The following BABAM2 variants were observed in gnomAD, a reference collection of about 807,000 sequenced individuals.
BABAM2 encodes BRISC and BRCA1 A complex member 2.
Under a neutral mutation model 54.7 loss-of-function variants are expected in BABAM2, and 31 were observed. The ratio of observed to expected loss-of-function variants is 0.57; its 90% CI spans 0.43 to 0.77. The LOEUF (loss-of-function observed/expected upper bound fraction) is 0.77. BABAM2 is among the 30% of genes least tolerant of loss of function. BABAM2 has a pLI of 0.00. For synonymous variants in BABAM2, 167 were observed against 162.9 expected, an observed-to-expected ratio of 1.03 and a Z score of -0.19; for missense variants, 364 against 455.8, an observed-to-expected ratio of 0.80 and a Z score of 1.83.
intron 11 of BABAM2, among the ~76,000 whole-genome samples, chr2:28,318,641 C>T (rs1245045390): frequency 6.6e-6 from 1 of 152,178 alleles, no homozygotes; most frequent in Non-Finnish European, 1.5e-5. Flanking sequence ...GATTGTTGAA[C>T]TTTACAAAGG....
At chr2:28,020,212 A>G (rs915638487) in intron 4 of BABAM2, among the ~76,000 whole-genome samples, 10 of 152,194 alleles carry the variant, frequency 6.6e-5, no homozygotes, top group African/African-American at 1.9e-4. Flanking sequence ...AGAAGAGACA[A>G]TTGGAGTCTG....
At chr2:28,254,729 T>A (rs1028088600) in intron 10 of BABAM2, among the ~76,000 whole-genome samples, 1 of 69,566 alleles carries the variant, frequency 1.4e-5, no homozygotes. Flanking sequence ...TTTTTTTCAA[T>A]TTTTTTTTTT....
intron 7 of BABAM2, among the ~76,000 whole-genome samples, chr2:28,202,206 G>A (rs113401652): frequency 5.3e-5 from 8 of 152,174 alleles, no homozygotes; most frequent in Non-Finnish European, 7.3e-5. Flanking sequence ...ATTTGGCTAA[G>A]CACTACTTAA....
intron 10 of BABAM2, among the ~76,000 whole-genome samples, chr2:28,278,410 T>G (rs377050789): frequency 2.0e-5 from 3 of 151,944 alleles, no homozygotes; most frequent in African/African-American, 7.3e-5. Flanking sequence ...TACTTCAGAG[T>G]AGAATCAAAA....
chr2:28,048,242 A>G (rs569371004), intron 6 of BABAM2, among the ~76,000 whole-genome samples: 1 of 152,380 alleles, frequency 6.6e-6, no homozygotes, highest in South Asian at 2.1e-4. Context: ...TGATGAGGCC[A>G]TCATTCACTC....
chr2:28,268,020 C>G (rs150091225), intron 10 of BABAM2, among the ~76,000 whole-genome samples: 1 of 152,114 alleles, frequency 6.6e-6, no homozygotes, highest in African/African-American at 2.4e-5. Context: ...ACAATAAAGA[C>G]GAAATCTTAG....
At chr2:28,259,284 C>T (rs1328078183) in intron 10 of BABAM2, among the ~76,000 whole-genome samples, 1 of 151,414 alleles carries the variant, frequency 6.6e-6, no homozygotes, top group East Asian at 1.9e-4. Context: ...GACAGAGTTT[C>T]ACCATGTTGG....
intron 10 of BABAM2, among the ~76,000 whole-genome samples, chr2:28,275,661 A>G (rs1378387263): frequency 6.6e-6 from 1 of 152,226 alleles, no homozygotes; most frequent in Non-Finnish European, 1.5e-5. Context: ...TGCATTTATT[A>G]GCGTGGCTGG....
Position 27,995,516 on chromosome 2 carries a change from T to A in BABAM2, c.300+7429T>A, listed in dbSNP as rs943009734. Among the ~76,000 whole-genome samples, 6 of 152,138 alleles carry A rather than the reference T, an allele frequency of 3.9e-5. No individual in the cohort carries two copies. The highest frequency in any genetic ancestry group is 6.5e-5 in the Admixed American group (1 of 15,276). On this transcript the variant is annotated intron_variant, in intron 4 of 11. Transcript: ENST00000379624. This position sits in a 1 kb window ranked among gnomAD's most constrained non-coding sequence, Gnocchi z 4.1. The stretch of plus-strand genomic sequence containing the variant: ...TAAATGAATGAATAGCACAACTAGA[T>A]AATGGCAAACTTATCTTCCAGTTTA...
In BABAM2 at chr2:28,205,818, A is replaced by G. The variant is rs551545476; in HGVS notation, c.681-31384A>G. On this transcript the variant is annotated intron_variant, in intron 7 of 11. Transcript: ENST00000379624. ...AGCAATAATGGATGAGTAGAAATTT[A>G]TTTCTCCTAAAGAGCAGTAGAATAA... Among the ~76,000 whole-genome samples, 10 of 152,332 alleles carry G rather than the reference A, an allele frequency of 6.6e-5. No homozygotes were observed. The South Asian group carries it at 1.9e-3, about 28-fold the overall frequency.
At chr2:28,179,946 A>G (rs1438963608) in intron 7 of BABAM2, among the ~76,000 whole-genome samples, 12 of 152,180 alleles carry the variant, frequency 7.9e-5, no homozygotes, top group Admixed American at 7.9e-4. Flanking sequence ...ACTACAAAAC[A>G]TTGATGAAAG....
intron 3 of BABAM2, among the ~76,000 whole-genome samples, chr2:27,952,746 C>T (rs372163973): frequency 5.3e-5 from 8 of 152,244 alleles, no homozygotes; most frequent in East Asian, 1.9e-4. Flanking sequence ...TAGCATTATC[C>T]GACCACTGAT....
chr2:27,993,198 G>A (rs1672900394), intron 4 of BABAM2, among the ~76,000 whole-genome samples: 1 of 152,172 alleles, frequency 6.6e-6, no homozygotes, highest in African/African-American at 2.4e-5. Flanking sequence ...AGTCATCCTT[G>A]TCTTTTCACT....
chr2:27,924,595 G>T (rs1471478972), intron 2 of BABAM2, among the ~76,000 whole-genome samples: 1 of 152,094 alleles, frequency 6.6e-6, no homozygotes. Context: ...TGTTGGCCCC[G>T]CTGGTCTTGA....
chr2:28,143,160 T>A (rs1020599942), intron 7 of BABAM2, among the ~76,000 whole-genome samples: 4 of 151,780 alleles, frequency 2.6e-5, no homozygotes, highest in Admixed American at 2.6e-4. Flanking sequence ...TATATATATA[T>A]AAAACAATGG....
intron 2 of BABAM2, 32 bp from the exon 3 acceptor site, chr2:27,929,800 T>C: frequency 6.3e-7 from 1 of 1,594,776 alleles, no homozygotes; most frequent in South Asian, 1.1e-5. Flanking sequence ...TTAAAAAATC[T>C]TTTCTTTCTT....
intron 6 of BABAM2, among the ~76,000 whole-genome samples, chr2:28,120,073 G>T (rs1668935374): frequency 6.6e-6 from 1 of 152,202 alleles, no homozygotes; most frequent in Admixed American, 6.5e-5. Context: ...AAGATGTCAG[G>T]TGAATACATT....
chr2:28,139,334 A>G (rs997818132), intron 7 of BABAM2, among the ~76,000 whole-genome samples: 3 of 149,046 alleles, frequency 2.0e-5, no homozygotes, highest in East Asian at 2.0e-4. Flanking sequence ...AAAAAAAAAA[A>G]AAAAAAAAAA....
chr2:28,028,624 G>T (rs934953731), intron 5 of BABAM2, among the ~76,000 whole-genome samples: 1 of 152,106 alleles, frequency 6.6e-6, no homozygotes, highest in African/African-American at 2.4e-5. Context: ...TTCCATAAAC[G>T]TTTTTGAATG....
Sources: gnomAD v4.1 joint callset for allele counts (sites outside exome capture counted in the v4.1 genomes callset) on GRCh38, gnomAD v4.1.1 for gene constraint, Gnocchi (gnomAD v3.1) non-coding constraint, MANE v1.5 for transcripts, NCBI Gene and HGNC (gene_info 2026-07-23, HGNC 2026-07-21) for gene names.